MIPOL1: variants seen among roughly 807,000 people sequenced by gnomAD.
MIPOL1 encodes mirror-image polydactyly 1.
In MIPOL1, 57 loss-of-function variants were observed where a neutral mutation model predicts 60.9. The ratio of observed to expected loss-of-function variants is 0.94; its 90% confidence interval spans 0.76 to 1.17. The LOEUF (loss-of-function observed/expected upper bound fraction) is 1.17, where lower values mean the gene tolerates loss of function less well. Ranked by LOEUF, MIPOL1 falls within the 50% of genes most tolerant of loss-of-function variation. MIPOL1 has a pLI of 0.00. For synonymous variants in MIPOL1, 179 were observed against 168.8 expected (o/e 1.06, Z -0.47); for missense variants, 551 against 511.6 (o/e 1.08, Z -0.74).
In MIPOL1 at chr14:37,316,462, C is replaced by T. The variant is rs148345827; in HGVS notation, c.828+7943C>T. Among the ~76,000 whole-genome samples, 51 of 151,930 alleles carry T rather than the reference C, an allele frequency of 3.4e-4. 1 individual carries two copies. Among genetic ancestry groups the T allele is most frequent in the African/African-American group, 1.2e-3 (50 of 41,416 alleles). On this transcript the variant is annotated intron_variant, in intron 9 of 12. Transcript: ENST00000684589. ...GGAGTTCCGTCCAGGACAGAGGCAACGTTGGAGTGTTTGAGGAGAAAATGG... is the reference window on the plus strand; with the variant it reads ...GGAGTTCCGTCCAGGACAGAGGCAATGTTGGAGTGTTTGAGGAGAAAATGG...
intron 11 of MIPOL1, among the ~76,000 whole-genome samples, chr14:37,479,513 A>G (rs978087198): frequency 3.9e-5 from 6 of 152,150 alleles, no homozygotes; most frequent in Admixed American, 3.9e-4. Flanking sequence ...GAAACACAAC[A>G]TACCAAAGCT....
intron 6 of MIPOL1, among the ~76,000 whole-genome samples, chr14:37,273,762 G>A (rs933604482): frequency 3.3e-5 from 5 of 151,222 alleles, no homozygotes; most frequent in East Asian, 1.9e-4. Context: ...CGTTGGGCAC[G>A]TTTTTTAGCC....
chr14:37,321,372 T>C (rs2088558984), intron 9 of MIPOL1, among the ~76,000 whole-genome samples: 1 of 152,030 alleles, frequency 6.6e-6, no homozygotes, highest in South Asian at 2.1e-4. Flanking sequence ...AATATGTTGC[T>C]TAATATTAAA....
At chr14:37,263,628 C>CT (rs1567194866) in intron 3 of MIPOL1, among the ~76,000 whole-genome samples, 1 of 152,076 alleles carries the variant, frequency 6.6e-6, no homozygotes, top group Non-Finnish European at 1.5e-5. Context: ...TTGTTTAACT[C>CT]TGAGAAAAGA....
intron 12 of MIPOL1, among the ~76,000 whole-genome samples, chr14:37,519,881 G>A (rs1436931047): frequency 6.6e-6 from 1 of 151,984 alleles, no homozygotes; most frequent in African/African-American, 2.4e-5. Flanking sequence ...TAATTATATG[G>A]TGTCCATAAA....
intron 11 of MIPOL1, among the ~76,000 whole-genome samples, chr14:37,456,650 C>T (rs1594443902): frequency 6.6e-6 from 1 of 152,024 alleles, no homozygotes; most frequent in African/African-American, 2.4e-5. Context: ...GTTAGATTGG[C>T]TTATGTGTGT....
chr14:37,215,602 A>T (rs1967513522), intron 1 of MIPOL1, among the ~76,000 whole-genome samples: 1 of 152,222 alleles, frequency 6.6e-6, no homozygotes, highest in South Asian at 2.1e-4. Flanking sequence ...ACAACCAGAG[A>T]ACAAATAAAG....
intron 9 of MIPOL1, among the ~76,000 whole-genome samples, chr14:37,344,117 G>A (rs570972263): frequency 6.6e-6 from 1 of 152,114 alleles, no homozygotes; most frequent in South Asian, 2.1e-4. Context: ...ACCAAAAGGA[G>A]TAACAATAAA....
chr14:37,285,535 C>A, intron 7 of MIPOL1, 88 bp downstream of exon 7: 1 of 1,304,386 alleles, frequency 7.7e-7, no homozygotes, highest in Non-Finnish European at 1.1e-6. Flanking sequence ...AAAAATGTGA[C>A]TTATGCTTAT....
intron 9 of MIPOL1, among the ~76,000 whole-genome samples, chr14:37,355,051 G>GT (rs2091698274): frequency 6.9e-6 from 1 of 143,908 alleles, no homozygotes; most frequent in African/African-American, 2.6e-5. Flanking sequence ...GGTACCGGTT[G>GT]TCCTTTCCAT....
chr14:37,465,601 A>T (rs1175286539), intron 11 of MIPOL1, among the ~76,000 whole-genome samples: 1 of 152,034 alleles, frequency 6.6e-6, no homozygotes, highest in Admixed American at 6.6e-5. Flanking sequence ...CCCTTTTGAT[A>T]TTGGATGCAT....
chr14:37,413,044 G>A lies in MIPOL1; in HGVS notation c.937-9811G>A, dbSNP rs529863017. On this transcript the variant is annotated intron_variant, in intron 10 of 12. Coordinates refer to ENST00000684589, the MANE Select transcript of MIPOL1 (RefSeq NM_001388067.1). ...GGTCCTTGGCTAAAGTGAGTGTGAA[G>A]GAATAAAAGAGAGTTCAATGCCACA... Among the ~76,000 whole-genome samples the A allele has an allele frequency of 1.1e-4, 17 of 151,878 alleles. No homozygotes were observed. In the East Asian group the frequency reaches 3.1e-3, roughly 28 times the overall value.
chr14:37,460,403 A>G (rs1200803887), intron 11 of MIPOL1, among the ~76,000 whole-genome samples: 1 of 152,162 alleles, frequency 6.6e-6, no homozygotes, highest in Non-Finnish European at 1.5e-5. Flanking sequence ...CCCACAGCCA[A>G]TATCTTACTG....
intron 10 of MIPOL1, among the ~76,000 whole-genome samples, chr14:37,407,695 A>C (rs912255064): frequency 6.6e-6 from 1 of 152,028 alleles, no homozygotes; most frequent in Non-Finnish European, 1.5e-5. Flanking sequence ...GACAGGAAGG[A>C]TATTGTCACA....
At position 37,547,726 on chromosome 14, in the gene MIPOL1, TAA is replaced by T. The variant is rs1477313067; in HGVS notation, c.*756_*757del. 2 of 152,504 alleles carry T rather than the reference TAA, an allele frequency of 1.3e-5. No individual in the cohort carries two copies. The highest frequency in any genetic ancestry group is 2.9e-5 in the Non-Finnish European group (2 of 67,958). 9.4% of individuals were successfully genotyped at this position (152,504 alleles called of 1,614,324 possible). A position where few individuals can be genotyped will look rare whatever the true frequency, so the allele number is the denominator to read the frequency against. On this transcript the variant is annotated 3_prime_UTR_variant, in exon 13 of 13. Transcript: ENST00000684589. ...AATTATCTGAATTCTACTTAAGCTA[TAA>T]GTCTCTGTCATTTTTGCTTGAAAAT...
chr14:37,485,513 A>G (rs576118099), intron 11 of MIPOL1, among the ~76,000 whole-genome samples: 1 of 152,244 alleles, frequency 6.6e-6, no homozygotes, highest in Admixed American at 6.5e-5. Context: ...TGATTTTTTA[A>G]TGATCACCAT....
chr14:37,331,419 G>A (rs1010162214), intron 9 of MIPOL1, among the ~76,000 whole-genome samples: 1 of 151,940 alleles, frequency 6.6e-6, no homozygotes. Flanking sequence ...TAGTGTGTGT[G>A]TGTGTATGTC....
chr14:37,407,709 G>A (rs139817367), intron 10 of MIPOL1, among the ~76,000 whole-genome samples: 3 of 151,886 alleles, frequency 2.0e-5, no homozygotes, highest in Non-Finnish European at 4.4e-5. Flanking sequence ...TGTCACACAG[G>A]TAATACTGAG....
chr14:37,410,905 T>C (rs1008692685), intron 10 of MIPOL1, among the ~76,000 whole-genome samples: 1 of 152,024 alleles, frequency 6.6e-6, no homozygotes, highest in Non-Finnish European at 1.5e-5. Flanking sequence ...TTTTTTATTT[T>C]AAAAATATAA....
Sources: allele counts gnomAD v4.1 joint callset (sites outside exome capture counted in the v4.1 genomes callset), GRCh38; gene constraint gnomAD v4.1.1; transcripts MANE v1.5; gene names NCBI Gene and HGNC (gene_info 2026-07-23, HGNC 2026-07-21).